The following DLGAP2 variants were observed in gnomAD, a reference collection of about 807,000 sequenced individuals.
The protein encoded by DLGAP2 is DLG associated protein 2, also known as disks large-associated protein 2.
In DLGAP2, 26 loss-of-function variants were observed where a neutral mutation model predicts 100.3. The observed-to-expected ratio is 0.26, with a 90% confidence interval of 0.19 to 0.36. The LOEUF is 0.36. Ranked by LOEUF, DLGAP2 falls within the 10% of genes least tolerant of loss-of-function variation. The pLI, the probability that DLGAP2 is intolerant of heterozygous loss-of-function variation, is 1.00. For synonymous variants in DLGAP2, 886 were observed against 630.1 expected, an observed-to-expected ratio of 1.41 and a Z score of -6.08; for missense variants, 1,858 against 1,453.2, an observed-to-expected ratio of 1.28 and a Z score of -4.53.
intron 3 of DLGAP2, among the ~76,000 whole-genome samples, chr8:1,371,226 A>G (rs1354072369): frequency 6.6e-6 from 1 of 152,238 alleles, no homozygotes; most frequent in Non-Finnish European, 1.5e-5. Flanking sequence ...CAGTCCTCAG[A>G]CAGGCATTGA....
At chr8:895,631 T>C (rs190457229) in intron 1 of DLGAP2, among the ~76,000 whole-genome samples, 278 of 152,304 alleles carry the variant, frequency 1.8e-3, no homozygotes, top group African/African-American at 6.1e-3. Flanking sequence ...TTGAGCAGAA[T>C]AATGCAGTGT....
At chr8:751,665 T>C (rs1194163548) in intron 1 of DLGAP2, among the ~76,000 whole-genome samples, 3 of 152,036 alleles carry the variant, frequency 2.0e-5, no homozygotes, top group Non-Finnish European at 2.9e-5. Flanking sequence ...TAAGTCCTTA[T>C]AGTAAGTTCA....
intron 2 of DLGAP2, among the ~76,000 whole-genome samples, chr8:1,144,435 G>A (rs1479585385): frequency 6.6e-6 from 1 of 152,242 alleles, no homozygotes. Context: ...AATGATGACA[G>A]TGAGCTTTCT....
At chr8:972,766 G>A (rs1314199885) in intron 2 of DLGAP2, among the ~76,000 whole-genome samples, 1 of 152,178 alleles carries the variant, frequency 6.6e-6, no homozygotes, top group Non-Finnish European at 1.5e-5. Context: ...GGACCCTGCG[G>A]CCTTCCGCGG....
chr8:1,298,758 C>T (rs796390080), intron 3 of DLGAP2, among the ~76,000 whole-genome samples: 4 of 152,346 alleles, frequency 2.6e-5, no homozygotes, highest in African/African-American at 9.6e-5. Flanking sequence ...CTTATAAAAA[C>T]TTTAAACTAA....
chr8:880,263 C>T (rs1465074632), intron 1 of DLGAP2, among the ~76,000 whole-genome samples: 1 of 152,206 alleles, frequency 6.6e-6, no homozygotes, highest in East Asian at 1.9e-4. Flanking sequence ...TTCTGTGCTT[C>T]TAATATTCTC....
At chr8:1,166,821 T>G (rs573179633) in intron 2 of DLGAP2, among the ~76,000 whole-genome samples, 7 of 152,332 alleles carry the variant, frequency 4.6e-5, no homozygotes, top group Admixed American at 6.5e-5. Context: ...AAGTATTGTT[T>G]CGTGGTTTTC....
At chr8:1,306,266 C>CA (rs1201969265) in intron 3 of DLGAP2, among the ~76,000 whole-genome samples, 1 of 151,938 alleles carries the variant, frequency 6.6e-6, no homozygotes, top group Non-Finnish European at 1.5e-5. Flanking sequence ...AATTAACACA[C>CA]AAAAATCACT....
At chr8:1,132,958 C>A (rs1796327714) in intron 2 of DLGAP2, among the ~76,000 whole-genome samples, 1 of 152,244 alleles carries the variant, frequency 6.6e-6, no homozygotes, top group African/African-American at 2.4e-5. Flanking sequence ...TCTCCAAGGC[C>A]CTCAGGGAGA....
At chr8:1,677,535 C>G (rs1273560743) in intron 11 of DLGAP2, among the ~76,000 whole-genome samples, 1 of 152,170 alleles carries the variant, frequency 6.6e-6, no homozygotes, top group Non-Finnish European at 1.5e-5. Flanking sequence ...ACACACACAC[C>G]ACACAGGCAC....
At chr8:1,541,123 G>A (rs948607327) in intron 4 of DLGAP2, among the ~76,000 whole-genome samples, 22 of 152,152 alleles carry the variant, frequency 1.4e-4, no homozygotes, top group African/African-American at 2.7e-4. Flanking sequence ...GGAAATTTGC[G>A]GAGGATGTAA....
At chr8:1,619,999 G>T (rs1190686187) in intron 6 of DLGAP2, 2 of 152,050 alleles carry the variant, frequency 1.3e-5, no homozygotes, top group Non-Finnish European at 1.5e-5. Context: ...TCTTTCCCAT[G>T]GTGTCTTATT....
chr8:968,354 T>C (rs1343647267), intron 2 of DLGAP2, among the ~76,000 whole-genome samples: 1 of 152,170 alleles, frequency 6.6e-6, no homozygotes, highest in Non-Finnish European at 1.5e-5. Context: ...TCAGTAGGAA[T>C]GGGAAGCATG....
chr8:1,342,859 C>T (rs1268603127), intron 3 of DLGAP2, among the ~76,000 whole-genome samples: 1 of 152,190 alleles, frequency 6.6e-6, no homozygotes, highest in Non-Finnish European at 1.5e-5. Context: ...ACAATTCTTT[C>T]CCTTACCTTT....
chr8:849,392 G>A (rs1224095392), intron 1 of DLGAP2, among the ~76,000 whole-genome samples: 1 of 152,246 alleles, frequency 6.6e-6, no homozygotes, highest in Non-Finnish European at 1.5e-5. Context: ...AGTGATGAAT[G>A]AACTACTGTA....
intron 6 of DLGAP2, among the ~76,000 whole-genome samples, chr8:1,588,752 A>AG (rs1796202539): frequency 6.6e-6 from 1 of 151,242 alleles, no homozygotes; most frequent in Non-Finnish European, 1.5e-5. Flanking sequence ...AAAAAAAAAA[A>AG]AAAAAAAAAA....
intron 1 of DLGAP2, among the ~76,000 whole-genome samples, chr8:802,606 C>T (rs1796193792): frequency 6.6e-6 from 1 of 152,194 alleles, no homozygotes; most frequent in African/African-American, 2.4e-5. Context: ...CCCAGCCACC[C>T]TCAGAACCCA....
intron 6 of DLGAP2, among the ~76,000 whole-genome samples, chr8:1,599,163 G>A (rs1045164633): frequency 4.6e-5 from 7 of 152,190 alleles, no homozygotes; most frequent in Non-Finnish European, 8.8e-5. Context: ...CAGTTTCCAT[G>A]TAGTTGTGCA....
At chr8:1,434,696 G>A (rs549806713) in intron 3 of DLGAP2, among the ~76,000 whole-genome samples, 13 of 152,236 alleles carry the variant, frequency 8.5e-5, no homozygotes, top group African/African-American at 2.9e-4. Flanking sequence ...GGCTGATCTC[G>A]AACTCCAGAC....
Sources: allele counts gnomAD v4.1 joint callset (sites outside exome capture counted in the v4.1 genomes callset), GRCh38; gene constraint gnomAD v4.1.1; transcripts MANE v1.5; gene names NCBI Gene and HGNC (gene_info 2026-07-23, HGNC 2026-07-21).